Variants in SLC60A1 observed in about 807,000 individuals in gnomAD.
SLC60A1 encodes the protein solute carrier family 60 member 1, also known as major facilitator superfamily domain containing 4.
At chr1:205,584,811 T>G in the SLC60A1 span, 1 of 1,469,538 alleles carries the variant, frequency 6.8e-7, no homozygotes. Flanking sequence ...GCCACGGCCC[T>G]GGGACATGCA....
At chr1:205,596,415 A>G in the SLC60A1 span, among the ~76,000 whole-genome samples, 1 of 151,930 alleles carries the variant, frequency 6.6e-6, no homozygotes, top group Non-Finnish European at 1.5e-5. Context: ...GCTGGCCAAC[A>G]TGGTGGAACC....
chr1:205,580,623 A>ACC, the SLC60A1 span: 2 of 1,570,444 alleles, frequency 1.3e-6, no homozygotes, highest in South Asian at 1.1e-5. This position sits in a 1 kb window ranked among gnomAD's most constrained non-coding sequence, Gnocchi z 5.0. Context: ...CTGAAGACTG[A>ACC]CCCCCACCCC....
At chr1:205,579,265 C>T in the SLC60A1 span, among the ~76,000 whole-genome samples, 1 of 152,160 alleles carries the variant, frequency 6.6e-6, no homozygotes. Context: ...CTCACCATTC[C>T]TGTGTGGGGA....
At chr1:205,582,178 G>T in the SLC60A1 span, among the ~76,000 whole-genome samples, 1 of 152,192 alleles carries the variant, frequency 6.6e-6, no homozygotes, top group Non-Finnish European at 1.5e-5. Context: ...GGAGAGACCT[G>T]CGAAGGAAAG....
the SLC60A1 span, chr1:205,586,267 T>A: frequency 6.3e-7 from 1 of 1,592,672 alleles, no homozygotes; most frequent in Non-Finnish European, 8.6e-7. Flanking sequence ...CGCCTCCTCC[T>A]GGCCCTACCC....
At chr1:205,580,575 G>A in the SLC60A1 span, 1 of 1,520,602 alleles carries the variant, frequency 6.6e-7, no homozygotes, top group Non-Finnish European at 8.9e-7. This position sits in a 1 kb window ranked among gnomAD's most constrained non-coding sequence, Gnocchi z 5.0. Flanking sequence ...CTCAGTGTGG[G>A]TCCTCTGGAC....
At chr1:205,574,733 C>T in the SLC60A1 span, among the ~76,000 whole-genome samples, 2 of 152,104 alleles carry the variant, frequency 1.3e-5, no homozygotes, top group African/African-American at 4.8e-5. Context: ...GAGAGCCAGG[C>T]GTGCAAAGAA....
chr1:205,580,227 T>TGGGGTGGGCCAGGTAGGGAG, the SLC60A1 span, among the ~76,000 whole-genome samples: 1 of 151,974 alleles, frequency 6.6e-6, no homozygotes, highest in Non-Finnish European at 1.5e-5. This position sits in a 1 kb window ranked among gnomAD's most constrained non-coding sequence, Gnocchi z 5.0. Flanking sequence ...CCTCCTTCCC[T>TGGGGTGGGCCAGGTAGGGAG]CTCTCTCCTT....
the SLC60A1 span, among the ~76,000 whole-genome samples, chr1:205,591,020 G>A: frequency 1.3e-5 from 2 of 152,180 alleles, no homozygotes; most frequent in African/African-American, 2.4e-5. Context: ...AAAACACATC[G>A]GGACTTCCAC....
chr1:205,585,979 G>C, the SLC60A1 span: 9 of 1,513,660 alleles, frequency 5.9e-6, no homozygotes, highest in Non-Finnish European at 7.1e-6. This position sits in a 1 kb window ranked among gnomAD's most constrained non-coding sequence, Gnocchi z 4.2. Context: ...CCTTTGTGAG[G>C]GTCATTGTCT....
chr1:205,577,082 G>T, the SLC60A1 span, among the ~76,000 whole-genome samples: 1 of 151,110 alleles, frequency 6.6e-6, no homozygotes, highest in Non-Finnish European at 1.5e-5. The surrounding 1 kb of genome is among the most constrained non-coding windows in gnomAD (Gnocchi z 5.2). Flanking sequence ...GAGACAAACA[G>T]CAGTGAACAG....
At chr1:205,585,716 T>C in the SLC60A1 span, among the ~76,000 whole-genome samples, 2 of 150,488 alleles carry the variant, frequency 1.3e-5, no homozygotes, top group East Asian at 3.9e-4. This position sits in a 1 kb window ranked among gnomAD's most constrained non-coding sequence, Gnocchi z 4.2. Context: ...CATGTTCTGC[T>C]CTGGTTGAAG....
chr1:205,588,469 C>A, the SLC60A1 span, among the ~76,000 whole-genome samples: 202 of 84,686 alleles, frequency 2.4e-3, no homozygotes, highest in African/African-American at 2.9e-3. Context: ...GACTTCAAAT[C>A]AAAAAAAAAA....
chr1:205,584,548 T>TA, the SLC60A1 span, among the ~76,000 whole-genome samples: 140 of 111,598 alleles, frequency 1.3e-3, no homozygotes, highest in East Asian at 6.0e-3. Context: ...TTTTTTTTTT[T>TA]AAAAAAAAAA....
At chr1:205,599,252 GT>G in the SLC60A1 span, 7 of 1,613,864 alleles carry the variant, frequency 4.3e-6, no homozygotes, top group Non-Finnish European at 5.9e-6. Context: ...CTCCCATCAG[GT>G]AAGGAAAGTA....
the SLC60A1 span, chr1:205,599,105 T>C: frequency 6.2e-7 from 1 of 1,612,942 alleles, no homozygotes; most frequent in Non-Finnish European, 8.5e-7. Flanking sequence ...TAATTGTCTG[T>C]CTCTCTGTGT....
chr1:205,592,090 G>C, the SLC60A1 span: 1 of 1,606,998 alleles, frequency 6.2e-7, no homozygotes, highest in South Asian at 1.1e-5. Context: ...CCTCACCACC[G>C]ATGCTCAGCT....
At chr1:205,591,455 T>C in the SLC60A1 span, among the ~76,000 whole-genome samples, 35 of 144,392 alleles carry the variant, frequency 2.4e-4, no homozygotes, top group South Asian at 4.3e-4. Context: ...GCACTCCAAT[T>C]TGGGCAACAG....
chr1:205,602,073 C>T, the SLC60A1 span: 1 of 152,180 alleles, frequency 6.6e-6, no homozygotes, highest in African/African-American at 2.4e-5. Flanking sequence ...GTAAACTTGC[C>T]AGCTTAGACA....
Sources: allele counts gnomAD v4.1 joint callset (sites outside exome capture counted in the v4.1 genomes callset), GRCh38; gene constraint gnomAD v4.1.1; non-coding constraint Gnocchi (gnomAD v3.1); transcripts MANE v1.5; gene names NCBI Gene and HGNC (gene_info 2026-07-23, HGNC 2026-07-21).